Variants in SBF2 observed in about 807,000 individuals in gnomAD.
SBF2 encodes SET binding factor 2, also known as myotubularin-related protein 13.
Under a neutral mutation model 225.2 loss-of-function variants are expected in SBF2, and 112 were observed. That is an observed-to-expected ratio of 0.50 (90% CI 0.43 to 0.58). The LOEUF is 0.58. Among genes scored for constraint, SBF2 ranks in the 20% least tolerant of loss-of-function variants. SBF2 has a pLI of 0.00. For synonymous variants in SBF2, 763 were observed against 773.3 expected, an observed-to-expected ratio of 0.99 and a Z score of 0.22; for missense variants, 1,996 against 2,206.2, an observed-to-expected ratio of 0.90 and a Z score of 1.91.
intron 16 of SBF2, among the ~76,000 whole-genome samples, chr11:9,946,277 G>T (rs547216782): frequency 2.1e-4 from 32 of 152,218 alleles, no homozygotes; most frequent in African/African-American, 7.2e-4. Context: ...CACGTCCTTT[G>T]TAACAACATG....
chr11:9,994,094 T>C (rs971543338), intron 9 of SBF2, 96 bp from the exon 10 acceptor site: 4 of 927,202 alleles, frequency 4.3e-6, no homozygotes, highest in African/African-American at 3.3e-5. Context: ...TGAATTATAA[T>C]ATATTCCCTC....
intron 17 of SBF2, among the ~76,000 whole-genome samples, chr11:9,866,384 T>C (rs922947482): frequency 1.3e-5 from 2 of 152,040 alleles, no homozygotes; most frequent in Admixed American, 6.6e-5. Flanking sequence ...ACAGACTCAT[T>C]GACTAAAAAA....
At chr11:10,065,456 A>G (rs916823486) in intron 2 of SBF2, among the ~76,000 whole-genome samples, 1 of 152,180 alleles carries the variant, frequency 6.6e-6, no homozygotes, top group Admixed American at 6.5e-5. Context: ...ATAAAAAATC[A>G]ACTAAAGCAA....
At chr11:10,143,857 A>G (rs1275459381) in intron 2 of SBF2, among the ~76,000 whole-genome samples, 6 of 152,094 alleles carry the variant, frequency 3.9e-5, no homozygotes, top group African/African-American at 1.4e-4. Flanking sequence ...AGCTGGGACT[A>G]CAGGCACTCG....
At chr11:10,228,634 G>A (rs947486449) in intron 1 of SBF2, among the ~76,000 whole-genome samples, 3 of 152,096 alleles carry the variant, frequency 2.0e-5, no homozygotes, top group East Asian at 3.9e-4. Flanking sequence ...ATTGATTTTG[G>A]CATGTTGAAC....
chr11:10,159,269 C>G (rs1475812361), intron 2 of SBF2, among the ~76,000 whole-genome samples: 1 of 152,148 alleles, frequency 6.6e-6, no homozygotes, highest in African/African-American at 2.4e-5. Flanking sequence ...AGCCCTTTCC[C>G]AAAGCAGACC....
At chr11:10,190,458 A>C (rs1371035218) in intron 2 of SBF2, among the ~76,000 whole-genome samples, 1 of 152,178 alleles carries the variant, frequency 6.6e-6, no homozygotes, top group Non-Finnish European at 1.5e-5. Flanking sequence ...TCATATTTTT[A>C]TTTTTAAAAT....
At chr11:9,937,568 T>C (rs930794934) in intron 16 of SBF2, among the ~76,000 whole-genome samples, 17 of 152,196 alleles carry the variant, frequency 1.1e-4, no homozygotes, top group African/African-American at 4.1e-4. Flanking sequence ...AAGACAGTGA[T>C]AATTTTTATC....
At chr11:10,143,306 G>C (rs1954736342) in intron 2 of SBF2, among the ~76,000 whole-genome samples, 1 of 152,044 alleles carries the variant, frequency 6.6e-6, no homozygotes, top group Admixed American at 6.6e-5. Context: ...CAAATAGCTG[G>C]GACTACAGGT....
intron 2 of SBF2, among the ~76,000 whole-genome samples, chr11:10,083,348 C>T (rs140446847): frequency 6.6e-5 from 10 of 152,190 alleles, no homozygotes; most frequent in Admixed American, 1.3e-4. Context: ...TATCCAAATA[C>T]GAACATCATT....
intron 16 of SBF2, among the ~76,000 whole-genome samples, chr11:9,950,637 G>A (rs531277539): frequency 7.2e-5 from 11 of 152,248 alleles, no homozygotes; most frequent in South Asian, 2.1e-4. Flanking sequence ...TAAACTTTAA[G>A]TTTACTTTCA....
intron 16 of SBF2, among the ~76,000 whole-genome samples, chr11:9,909,057 G>T (rs17271223): frequency 0.19 from 28,046 of 151,564 alleles, 2,941 homozygotes; most frequent in Non-Finnish European, 0.23. Flanking sequence ...GCCTTTTGAG[G>T]GCAATGATTG....
At chr11:9,837,797 G>A (rs953475565) in intron 26 of SBF2, among the ~76,000 whole-genome samples, 1 of 151,992 alleles carries the variant, frequency 6.6e-6, no homozygotes, top group Non-Finnish European at 1.5e-5. Flanking sequence ...GAGTGCAGTA[G>A]CTTGACCTCG....
At chr11:9,941,957 A>T (rs550252926) in intron 16 of SBF2, among the ~76,000 whole-genome samples, 36 of 151,172 alleles carry the variant, frequency 2.4e-4, no homozygotes, top group Middle Eastern at 3.4e-3. Flanking sequence ...TATATATTTT[A>T]AAAAAAGCAA....
chr11:9,911,441 T>C (rs1247174843), intron 16 of SBF2, among the ~76,000 whole-genome samples: 2 of 152,124 alleles, frequency 1.3e-5, no homozygotes, highest in Non-Finnish European at 2.9e-5. Context: ...AATATTTTTG[T>C]ATGGCTATAC....
At chr11:9,916,068 A>G (rs1863061776) in intron 16 of SBF2, among the ~76,000 whole-genome samples, 1 of 152,166 alleles carries the variant, frequency 6.6e-6, no homozygotes, top group South Asian at 2.1e-4. Context: ...TGTCTCCAAA[A>G]ACAGACAAAC....
In SBF2 at chr11:9,963,351, G is replaced by A. The variant is rs570830374; in HGVS notation, c.1710+422C>T. On this transcript the variant is annotated intron_variant, in intron 15 of 39. Transcript: ENST00000256190. ...GCAGTGGTGCGTGCCTGTAGTCCCA[G>A]CTACTTGGGAGGCTGAGGCAGGAGA... is the stretch of plus-strand genomic sequence containing the variant. 9.2e-5 allele frequency among the ~76,000 whole-genome samples: 14 copies of A among 152,246 alleles called. No homozygotes were observed. The South Asian group carries it at 2.9e-3, about 32-fold the overall frequency.
At position 9,990,186 on chromosome 11, in the gene SBF2, T is replaced by TG. The variant is rs1002956850; in HGVS notation, c.1297-592dup. On this transcript the variant is annotated intron_variant, in intron 12 of 39. Transcript: ENST00000256190. ...GAAGGCTGACAGAAAAAAAAAATTG[T>TG]GGGGGGGTAAATAGATGGATGACAA... Among the ~76,000 whole-genome samples the TG allele has an allele frequency of 5.3e-5, 8 of 151,908 alleles. No homozygotes were observed. In the South Asian group the frequency reaches 6.2e-4, roughly 12 times the overall value.
chr11:10,135,361 G>A (rs1412697097), intron 2 of SBF2, among the ~76,000 whole-genome samples: 1 of 152,180 alleles, frequency 6.6e-6, no homozygotes, highest in Non-Finnish European at 1.5e-5. Flanking sequence ...TTTTCCGCAT[G>A]GCCTTGGCAA....
Sources: allele counts gnomAD v4.1 joint callset (sites outside exome capture counted in the v4.1 genomes callset), GRCh38; gene constraint gnomAD v4.1.1; transcripts MANE v1.5; gene names NCBI Gene and HGNC (gene_info 2026-07-23, HGNC 2026-07-21).